GTF3C2: variants seen among roughly 807,000 people sequenced by gnomAD.
GTF3C2 encodes general transcription factor 3C polypeptide 2.
GTF3C2 carries 17 observed loss-of-function variants against 117.4 expected under a neutral mutation model. The ratio of observed to expected loss-of-function variants is 0.14; its 90% CI spans 0.10 to 0.22. GTF3C2 has a LOEUF of 0.22. Among genes scored for constraint, GTF3C2 ranks in the 10% least tolerant of loss-of-function variants. The pLI, the probability that GTF3C2 is intolerant of heterozygous loss-of-function variation, is 1.00. For synonymous variants in GTF3C2, 437 were observed against 427.0 expected (o/e 1.02, Z -0.29); for missense variants, 888 against 1,143.6 (o/e 0.78, Z 3.22).
chr2:27,336,970 G>T (rs66712662), intron 7 of GTF3C2, among the ~76,000 whole-genome samples: 10,037 of 152,194 alleles, frequency 0.066, 1,082 homozygotes, highest in African/African-American at 0.23. Flanking sequence ...TACTATAGTA[G>T]TCTCCCTAAG....
intron 17 of GTF3C2, among the ~76,000 whole-genome samples, 165 bp from the exon 18 acceptor site, chr2:27,327,449 T>G (rs947982168): frequency 5.3e-5 from 8 of 151,806 alleles, no homozygotes; most frequent in Admixed American, 1.3e-4. Flanking sequence ...CTCAGCCTCC[T>G]GAGTAGCTGG....
exon 5 of GTF3C2, chr2:27,337,935 G>A: frequency 6.3e-7 from 1 of 1,594,318 alleles, no homozygotes; most frequent in Non-Finnish European, 8.6e-7. Context: ...CAAGTCCTTG[G>A]TGAGATGGAG....
intron 10 of GTF3C2, 116 bp from the exon 11 acceptor site, chr2:27,334,115 T>G: frequency 1.3e-6 from 1 of 758,158 alleles, no homozygotes; most frequent in Non-Finnish European, 2.4e-6. Flanking sequence ...AGCCTCCAAC[T>G]CCTGGGCTCA....
chr2:27,326,645 T>C, exon 19 of GTF3C2: 1 of 1,545,540 alleles, frequency 6.5e-7, no homozygotes, highest in Non-Finnish European at 8.9e-7. Flanking sequence ...CTTGACCGAC[T>C]TCACTCCAAG....
chr2:27,352,638 C>CT (rs1247836797), intron 1 of GTF3C2, among the ~76,000 whole-genome samples: 4 of 152,128 alleles, frequency 2.6e-5, no homozygotes, highest in African/African-American at 9.7e-5. Flanking sequence ...TCTCCTCCTC[C>CT]TACAGTCAAA....
Position 27,329,370 on chromosome 2 carries a change from A to G in GTF3C2, c.1877+9T>C, listed in dbSNP as rs1680202898. The G allele has an allele frequency of 6.2e-7, 1 of 1,613,994 alleles. No homozygotes were observed. Among genetic ancestry groups the G allele is most frequent in the Non-Finnish European group, 8.5e-7 (1 of 1,179,940 alleles). ...CACCTTCCCCCTCCACATACCTCCTATTCCATACCTGTTAGCTTTGCACCA... is the reference window on the plus strand; with the variant it reads ...CACCTTCCCCCTCCACATACCTCCTGTTCCATACCTGTTAGCTTTGCACCA... On this transcript the variant is annotated intron_variant, in intron 13 of 18. Transcript: ENST00000264720. The surrounding 1 kb of genome is among the most constrained non-coding windows in gnomAD (Gnocchi z 4.5).
At chr2:27,338,420 G>T (rs1680577284) in intron 4 of GTF3C2, among the ~76,000 whole-genome samples, 1 of 151,804 alleles carries the variant, frequency 6.6e-6, no homozygotes, top group South Asian at 2.1e-4. Context: ...AGTTCCTGTC[G>T]TCTTCTCGCC....
chr2:27,344,356 G>A (rs1277845259), intron 1 of GTF3C2, among the ~76,000 whole-genome samples: 2 of 152,090 alleles, frequency 1.3e-5, no homozygotes, highest in Admixed American at 6.6e-5. Flanking sequence ...TGCTAACTAT[G>A]TGCCAAGCAC....
rs768563502 is a variant in GTF3C2, at chr2:27,342,851, G to A, written c.544C>T (p.Arg182Ter). The A allele has an allele frequency of 1.2e-6, 2 of 1,613,774 alleles. No homozygotes were observed. Among genetic ancestry groups the A allele is most frequent in the African/African-American group, 1.3e-5 (1 of 75,024 alleles). ...ACTTGGGCAGCCCTTCGGCGGGGTC[G>A]TTCCCCAGAAGGGGTCTCAAAGTCC... The change falls in exon 3 of 19, where the codon CGA (arginine) becomes TGA (stop). Residue 182 changes from arginine (R) to a stop codon, truncating the protein, a stop_gained. Coordinates refer to ENST00000264720, the Ensembl canonical transcript of GTF3C2. LOFTEE classifies it high-confidence loss of function.
At chr2:27,338,238 T>C in intron 4 of GTF3C2, 1 of 537,062 alleles carries the variant, frequency 1.9e-6, no homozygotes, top group South Asian at 2.1e-5. Flanking sequence ...TGTTACCTAT[T>C]TTCTGTTCAG....
exon 8 of GTF3C2, chr2:27,336,263 G>T: frequency 6.2e-7 from 1 of 1,614,056 alleles, no homozygotes; most frequent in South Asian, 1.1e-5. Context: ...AATGAAGCTG[G>T]CTCAGTGGGT....
intron 1 of GTF3C2, among the ~76,000 whole-genome samples, chr2:27,353,132 T>C (rs578198485): frequency 1.3e-5 from 2 of 152,296 alleles, no homozygotes; most frequent in East Asian, 3.9e-4. Context: ...CTGTGGCTCA[T>C]GCCTGTAATC....
At chr2:27,345,964 C>A (rs1159967171) in intron 1 of GTF3C2, among the ~76,000 whole-genome samples, 8 of 151,182 alleles carry the variant, frequency 5.3e-5, no homozygotes, top group Non-Finnish European at 8.8e-5. Flanking sequence ...ATCTGCCCAC[C>A]TTGGCCCCGC....
chr2:27,353,099 A>G (rs1457231361), intron 1 of GTF3C2, among the ~76,000 whole-genome samples: 1 of 152,200 alleles, frequency 6.6e-6, no homozygotes, highest in Non-Finnish European at 1.5e-5. Flanking sequence ...AATACTATAA[A>G]GATAGCAACA....
rs562710373 is a variant in GTF3C2 at position 27,335,626 on chromosome 2, C to T, written c.1548G>A (p.Pro516=). 8.2e-5 allele frequency: 128 copies of T among 1,554,794 alleles called. 1 individual carries two copies. The highest frequency in any genetic ancestry group is 5.6e-4 in the South Asian group (47 of 84,300). ...GGGGTTGCTGAGCCAGCAGGGCCTC[C>T]GGATGGGGTAGACTGAATAGCAGTA... The change falls in exon 10 of 19, where the codon CCG becomes CCA. Residue 516 remains proline (P), a synonymous_variant. Transcript: ENST00000264720.
At chr2:27,353,367 G>A (rs1230283008) in intron 1 of GTF3C2, among the ~76,000 whole-genome samples, 6 of 140,328 alleles carry the variant, frequency 4.3e-5, no homozygotes, top group African/African-American at 1.6e-4. Flanking sequence ...TGGCGACAGA[G>A]CTAGACTCCG....
intron 15 of GTF3C2, 64 bp downstream of exon 15, chr2:27,328,780 C>T: frequency 8.2e-7 from 1 of 1,226,038 alleles, no homozygotes. Flanking sequence ...CCTCTGACTA[C>T]TAATAGTGCA....
intron 7 of GTF3C2, among the ~76,000 whole-genome samples, chr2:27,337,031 G>A (rs575635947): frequency 3.2e-3 from 491 of 152,246 alleles, no homozygotes; most frequent in Non-Finnish European, 5.5e-3. Context: ...GAACTGCTTT[G>A]GCCCCTAAAT....
chr2:27,333,069 C>T (rs1680334247), intron 12 of GTF3C2, among the ~76,000 whole-genome samples: 1 of 151,918 alleles, frequency 6.6e-6, no homozygotes. Context: ...TGGTCTTGAA[C>T]TCCCAGCCTC....
Sources: allele counts gnomAD v4.1 joint callset (sites outside exome capture counted in the v4.1 genomes callset), GRCh38; gene constraint gnomAD v4.1.1; non-coding constraint Gnocchi (gnomAD v3.1); transcripts MANE v1.5; gene names NCBI Gene and HGNC (gene_info 2026-07-23, HGNC 2026-07-21).